The following ZW10 variants were observed in gnomAD, a reference collection of about 807,000 sequenced individuals.
ZW10 encodes the protein zw10 kinetochore protein.
In ZW10, 53 loss-of-function variants were observed where a neutral mutation model predicts 87.8. That is an observed-to-expected ratio of 0.60 (90% CI 0.48 to 0.76). The LOEUF is 0.76. Ranked by LOEUF, ZW10 falls within the 30% of genes least tolerant of loss-of-function variation. The probability of loss-of-function intolerance (pLI) is 0.00; values close to 1 mark genes in which losing one functional copy is unlikely to be tolerated. For synonymous variants in ZW10, 312 were observed against 329.2 expected, an observed-to-expected ratio of 0.95 and a Z score of 0.57; for missense variants, 837 against 923.0, an observed-to-expected ratio of 0.91 and a Z score of 1.21.
chr11:113,754,586 T>C (rs1337833592), intron 7 of ZW10, among the ~76,000 whole-genome samples: 1 of 151,904 alleles, frequency 6.6e-6, no homozygotes, highest in Non-Finnish European at 1.5e-5. Flanking sequence ...AACAGCATGG[T>C]TTTTCAGGAT....
chr11:113,761,866 C>T (rs1246093967), intron 2 of ZW10, among the ~76,000 whole-genome samples: 1 of 152,176 alleles, frequency 6.6e-6, no homozygotes, highest in Admixed American at 6.5e-5. Flanking sequence ...CTCCCTCTCA[C>T]AAACAGCTTC....
rs193060388 is a variant in ZW10 at position 113,745,644 on chromosome 11, T to C, written c.1273-1604A>G. Reference sequence around the variant, plus strand: ...CTGAAAAATAGTGGGCCTGGATACATAAGATTCGAAAAGGTGACTTCATGA... The same window carrying C: ...CTGAAAAATAGTGGGCCTGGATACACAAGATTCGAAAAGGTGACTTCATGA... On this transcript the variant is annotated intron_variant, in intron 9 of 15. Coordinates refer to ENST00000200135, the MANE Select transcript of ZW10 (RefSeq NM_004724.4). Among the ~76,000 whole-genome samples the C allele has an allele frequency of 1.9e-3, 287 of 152,234 alleles. 1 individual carries two copies. The highest frequency in any genetic ancestry group is 3.3e-3 in the Non-Finnish European group (225 of 68,012).
At position 113,760,901 on chromosome 11, in the gene ZW10, G is replaced by A. The variant is rs113446038; in HGVS notation, c.258C>T (p.His86=). 7.3e-4 allele frequency: 1,184 copies of A among 1,613,938 alleles called. 7 individuals carry two copies. Among genetic ancestry groups the A allele is most frequent in the South Asian group, 3.0e-3 (271 of 91,056 alleles). The stretch of plus-strand genomic sequence containing the variant: ...AGTCTGTAAATTCACCGGTTGATAC[G>A]TGAAGATCCCGGCGGACCTAATTCA... ...RIESEVRRDL[H]VSTGEFTDLK... The change falls in exon 3 of 16, where the codon CAC becomes CAT. Residue 86 remains histidine, a synonymous_variant. Transcript: ENST00000200135.
In ZW10 at chr11:113,760,500, G is replaced by A. The variant is rs767935931; in HGVS notation, c.420+13C>T. On this transcript the variant is annotated intron_variant, in intron 4 of 15. Transcript: ENST00000200135. ...GCACTTATTGCGCATGCTTTGGGGA[G>A]AGCATTTAGTACCTCTTCCAGACGC... 8.1e-6 allele frequency: 13 copies of A among 1,611,496 alleles called. No individual in the cohort carries two copies. The highest frequency in any genetic ancestry group is 2.2e-5 in the East Asian group (1 of 44,870).
intron 9 of ZW10, among the ~76,000 whole-genome samples, chr11:113,746,515 AC>A (rs537343157): frequency 0.057 from 7,228 of 126,788 alleles, 189 homozygotes; most frequent in Non-Finnish European, 0.087. Context: ...AAAAAAAAAA[AC>A]AACAACAAAA....
At chr11:113,745,448 C>T (rs1953668538) in intron 9 of ZW10, among the ~76,000 whole-genome samples, 1 of 152,128 alleles carries the variant, frequency 6.6e-6, no homozygotes, top group African/African-American at 2.4e-5. Flanking sequence ...AGTCAGTGGA[C>T]TTGGCTGTCT....
intron 2 of ZW10, among the ~76,000 whole-genome samples, chr11:113,766,569 G>A (rs924370291): frequency 6.7e-5 from 10 of 149,912 alleles, no homozygotes; most frequent in African/African-American, 2.2e-4. Flanking sequence ...AGCTACTCGG[G>A]AGGCTGAGGC....
chr11:113,736,884 GGCA>G, intron 14 of ZW10, 62 bp from the exon 15 acceptor site: 2 of 1,526,102 alleles, frequency 1.3e-6, no homozygotes, highest in Non-Finnish European at 1.8e-6. Context: ...GTGGGGAAAG[GGCA>G]GCAGATCTTT....
chr11:113,743,184 T>G (rs1039891033), intron 10 of ZW10, among the ~76,000 whole-genome samples: 1 of 152,164 alleles, frequency 6.6e-6, no homozygotes, highest in Non-Finnish European at 1.5e-5. Flanking sequence ...CTTGAAAGAG[T>G]GAAGCCAGAT....
chr11:113,744,093 A>T (rs1168658660), intron 9 of ZW10, 53 bp from the exon 10 acceptor site: 1 of 1,474,630 alleles, frequency 6.8e-7, no homozygotes, highest in East Asian at 2.3e-5. Context: ...GAATAATTCA[A>T]ATATAAGCAC....
At chr11:113,766,714 T>TA (rs146609877) in intron 2 of ZW10, among the ~76,000 whole-genome samples, 93,698 of 123,642 alleles carry the variant, frequency 0.76, 35,817 homozygotes, top group Non-Finnish European at 0.84. Context: ...TTTTAAAAAT[T>TA]AAAAAAAAAA....
At chr11:113,744,328 A>G (rs1260714537) in intron 9 of ZW10, among the ~76,000 whole-genome samples, 2 of 152,106 alleles carry the variant, frequency 1.3e-5, no homozygotes, top group Non-Finnish European at 2.9e-5. Context: ...CGGAGCTTGC[A>G]GTGAGCGGAG....
rs956723203 is a variant in ZW10 at position 113,768,705 on chromosome 11, AG to A, written c.240+127del. ...AATTGAAGTCACCCTACAATCATTT[AG>A]TTCAATCTCCATTTACCAATCAGAA... On this transcript the variant is annotated intron_variant, in intron 2 of 15. Coordinates refer to ENST00000200135, the MANE Select transcript of ZW10 (RefSeq NM_004724.4). 1.2e-4 allele frequency: 109 copies of A among 923,422 alleles called. 1 individual carries two copies. The Admixed American group carries it at 2.6e-3, about 22-fold the overall frequency. The allele number at this position is 923,422 out of a possible 1,614,324, so 57.2% of individuals were successfully genotyped here. A position where few individuals can be genotyped will look rare whatever the true frequency, so the allele number is the denominator to read the frequency against.
At chr11:113,757,035 A>G (rs1378673077) in intron 7 of ZW10, among the ~76,000 whole-genome samples, 1 of 152,136 alleles carries the variant, frequency 6.6e-6, no homozygotes, top group East Asian at 1.9e-4. Flanking sequence ...CTTTAGCCAC[A>G]GCAAGAATGG....
chr11:113,752,441 T>C (rs1022322138), intron 7 of ZW10, among the ~76,000 whole-genome samples: 1 of 152,244 alleles, frequency 6.6e-6, no homozygotes, highest in African/African-American at 2.4e-5. Flanking sequence ...GCTTCACAGA[T>C]ACTGGTTTTT....
chr11:113,745,065 C>G (rs939768365), intron 9 of ZW10, among the ~76,000 whole-genome samples: 15 of 151,390 alleles, frequency 9.9e-5, no homozygotes, highest in African/African-American at 3.6e-4. Flanking sequence ...ATAACTCATT[C>G]TCATTCAAAC....
Position 113,746,994 on chromosome 11 carries a change from A to G in ZW10, c.1272+537T>C, listed in dbSNP as rs185623009. Among the ~76,000 whole-genome samples, 7 of 152,236 alleles carry G rather than the reference A, an allele frequency of 4.6e-5. No homozygotes were observed. In the East Asian group the frequency reaches 7.7e-4, roughly 17 times the overall value. Reference sequence around the variant, plus strand: ...TTATGTTAAAAGAAACCACAGCCCAATTCAAGGTATATACATTATTTCATA... The same window carrying G: ...TTATGTTAAAAGAAACCACAGCCCAGTTCAAGGTATATACATTATTTCATA... On this transcript the variant is annotated intron_variant, in intron 9 of 15. Transcript: ENST00000200135.
intron 7 of ZW10, among the ~76,000 whole-genome samples, chr11:113,754,360 C>T (rs993559702): frequency 6.6e-6 from 1 of 152,028 alleles, no homozygotes; most frequent in African/African-American, 2.4e-5. Flanking sequence ...TAGTGCAGGC[C>T]TGTAATCCCA....
At chr11:113,737,003 G>C (rs1398572997) in intron 14 of ZW10, among the ~76,000 whole-genome samples, 181 bp from the exon 15 acceptor site, 1 of 152,184 alleles carries the variant, frequency 6.6e-6, no homozygotes, top group African/African-American at 2.4e-5. Flanking sequence ...ATATAAGAAT[G>C]ACACAAAATA....
Sources: allele counts gnomAD v4.1 joint callset (sites outside exome capture counted in the v4.1 genomes callset), GRCh38; gene constraint gnomAD v4.1.1; transcripts MANE v1.5; gene names NCBI Gene and HGNC (gene_info 2026-07-23, HGNC 2026-07-21).